INMT: variants seen among roughly 807,000 people sequenced by gnomAD.
INMT encodes the protein amine N-methyltransferase.
A neutral mutation model predicts 11.5 loss-of-function variants in INMT; 11 were observed. That is an observed-to-expected ratio of 0.95 (90% CI 0.60 to 1.58). The LOEUF (loss-of-function observed/expected upper bound fraction) is 1.58. Among genes scored for constraint, INMT ranks in the 40% most tolerant of loss-of-function variants. The pLI, the probability that INMT is intolerant of heterozygous loss-of-function variation, is 0.00. For synonymous variants in INMT, 155 were observed against 142.9 expected (o/e 1.08, Z -0.60); for missense variants, 316 against 336.1 (o/e 0.94, Z 0.47).
chr7:30,754,012 G>C lies in INMT; in HGVS notation c.362+74G>C. ...CAGAAGTCTCCCTGGCCTCTTTGTT[G>C]TCTCTGACATTTTCAGGACAGTAGG... On this transcript the variant is annotated intron_variant, in intron 2 of 2. Coordinates refer to ENST00000013222, the MANE Select transcript of INMT (RefSeq NM_006774.5). The surrounding 1 kb of genome is among the most constrained non-coding windows in gnomAD (Gnocchi z 4.9). 6.8e-7 allele frequency: 1 copy of C among 1,473,726 alleles called. No individual in the cohort carries two copies. The highest frequency in any genetic ancestry group is 9.4e-7 in the Non-Finnish European group (1 of 1,068,726). 91.3% of individuals were successfully genotyped at this position (1,473,726 alleles called of 1,614,324 possible).
chr7:30,753,713 A>T lies in INMT; in HGVS notation c.155-18A>T. 1.2e-6 allele frequency: 2 copies of T among 1,610,394 alleles called. No individual in the cohort carries two copies. Among genetic ancestry groups the T allele is most frequent in the African/African-American group, 1.3e-5 (1 of 74,950 alleles). ...TCGTTTCTTTTACCCATCCATTACC[A>T]GTCTTTCCCTCCCACAGGAGGCCTC... On this transcript the variant is annotated intron_variant, in intron 1 of 2. Transcript: ENST00000013222.
rs1295691346 is a variant in INMT at position 30,753,936 on chromosome 7, CAGGT to C, written c.362+2_362+5del. 3.7e-6 allele frequency: 6 copies of C among 1,613,424 alleles called. No homozygotes were observed. The African/African-American group carries it at 8.0e-5, about 22-fold the overall frequency. ...AATTCGCCTGTGAGCTGGAAGGAAA[CAGGT>C]AGGGGTGCAGAGGTTGGGGAGGGGG... On this transcript the variant is annotated splice_donor_variant and coding_sequence_variant, in exon 2 of 3. Coordinates refer to ENST00000013222, the MANE Select transcript of INMT (RefSeq NM_006774.5). LOFTEE classifies it high-confidence loss of function.
chr7:30,752,234 T>A lies in INMT; in HGVS notation c.84T>A (p.Asp28Glu), dbSNP rs1786100778. 3 of 1,614,010 alleles carry A rather than the reference T, an allele frequency of 1.9e-6. No individual in the cohort carries two copies. The highest frequency in any genetic ancestry group is 2.7e-5 in the African/African-American group (2 of 74,888). Residue 28 changes from aspartate (D) to glutamate (E), a missense_variant, in exon 1 of 3, where the codon GAT (aspartate) becomes GAA (glutamate). Coordinates refer to ENST00000013222, the MANE Select transcript of INMT (RefSeq NM_006774.5). Reference protein sequence around the residue: ...RDYLATYYSFDGSPSPEAEML... With the variant: ...RDYLATYYSFEGSPSPEAEML... ...ACTTGGCTACTTACTACAGCTTCGATGGCAGCCCCTCACCCGAGGCCGAGA... is the reference window on the plus strand; with the variant it reads ...ACTTGGCTACTTACTACAGCTTCGAAGGCAGCCCCTCACCCGAGGCCGAGA...
chr7:30,752,402 G>A, intron 1 of INMT, 98 bp downstream of exon 1: 1 of 1,011,152 alleles, frequency 9.9e-7, no homozygotes, highest in Non-Finnish European at 1.5e-6. Context: ...CTCCTCTAGG[G>A]GTTTTTGGGG....
Position 30,754,627 on chromosome 7 carries a change from A to G in INMT, c.362+689A>G, listed in dbSNP as rs1406010194. Among the ~76,000 whole-genome samples the G allele has an allele frequency of 1.4e-5, 2 of 138,040 alleles. No homozygotes were observed. Among genetic ancestry groups the G allele is most frequent in the African/African-American group, 5.5e-5 (2 of 36,478 alleles). 90.6% of individuals were successfully genotyped at this position (138,040 alleles called of 152,430 possible). On this transcript the variant is annotated intron_variant, in intron 2 of 2. Coordinates refer to ENST00000013222, the MANE Select transcript of INMT (RefSeq NM_006774.5). The surrounding 1 kb of genome is among the most constrained non-coding windows in gnomAD (Gnocchi z 4.9). ...CATCAATCCATCCACCCATCCATCC[A>G]TATCCATCTATCCATCCATCCATCC...
Position 30,752,168 on chromosome 7 carries a change from TG to T in INMT, c.23del (p.Gly8ValfsTer31). On this transcript the variant is annotated frameshift_variant, in exon 1 of 3. Transcript: ENST00000013222. LOFTEE classifies it high-confidence loss of function. The part of the protein sequence containing the change: MKGGFT[G>X]GDEYQKHFLP... ...GGGACACCATGAAGGGTGGCTTCAC[TG>T]GGGGTGATGAGTACCAGAAGCACTT... 6.2e-7 allele frequency: 1 copy of T among 1,613,982 alleles called. No homozygotes were observed. The highest frequency in any genetic ancestry group is 1.3e-5 in the African/African-American group (1 of 75,002).
chr7:30,755,570 T>G lies in INMT; in HGVS notation c.511T>G (p.Cys171Gly). Residue 171 changes from cysteine (C) to glycine (G), a missense_variant, in exon 3 of 3, where the codon TGT becomes GGT. By Grantham distance (159) the Cys-to-Gly change is radical. Coordinates refer to ENST00000013222, the MANE Select transcript of INMT (RefSeq NM_006774.5). ...LTLLAMECACCSLDAYRAALC... is the reference protein window; with the variant it reads ...LTLLAMECACGSLDAYRAALC... The stretch of plus-strand genomic sequence containing the variant: ...CCTGCTGGCCATGGAGTGTGCCTGC[T>G]GTAGCCTTGATGCCTACCGCGCTGC... 6.2e-7 allele frequency: 1 copy of G among 1,613,894 alleles called. No individual in the cohort carries two copies. Among genetic ancestry groups the G allele is most frequent in the Non-Finnish European group, 8.5e-7 (1 of 1,180,038 alleles).
At position 30,755,597 on chromosome 7, in the gene INMT, C is replaced by T; in HGVS notation, c.538C>T (p.Leu180=). The change falls in exon 3 of 3, where the codon CTG becomes TTG. Residue 180 remains leucine, a synonymous_variant. Transcript: ENST00000013222. ...TAGCCTTGATGCCTACCGCGCTGCC[C>T]TGTGCAACCTTGCCTCACTGCTCAA... ...CCSLDAYRAA[L]CNLASLLKPG... is the part of the protein sequence containing the mutation. The T allele has an allele frequency of 1.2e-6, 2 of 1,614,200 alleles. No individual in the cohort carries two copies. Among genetic ancestry groups the T allele is most frequent in the Middle Eastern group, 3.3e-4 (2 of 6,062 alleles).
chr7:30,752,210 C>T lies in INMT; in HGVS notation c.60C>T (p.Tyr20=). Residue 20 remains tyrosine (Y), a synonymous_variant, in exon 1 of 3, where the codon TAC becomes TAT. Coordinates refer to ENST00000013222, the MANE Select transcript of INMT (RefSeq NM_006774.5). ...AGAAGCACTTCCTGCCCAGGGACTA[C>T]TTGGCTACTTACTACAGCTTCGATG... ...EYQKHFLPRD[Y]LATYYSFDGS... is the part of the protein sequence containing the mutation. 6.2e-7 allele frequency: 1 copy of T among 1,614,084 alleles called. No homozygotes were observed.
chr7:30,753,965 G>A (rs1488927631), intron 2 of INMT, 27 bp downstream of exon 2: 2 of 1,605,164 alleles, frequency 1.2e-6, no homozygotes, highest in Admixed American at 1.7e-5. Context: ...TGGGGAGGGG[G>A]TTCCCAGTCA....
Position 30,752,175 on chromosome 7 carries a change from G to T in INMT, c.25G>T (p.Asp9Tyr). 1 of 1,614,048 alleles carries T rather than the reference G, an allele frequency of 6.2e-7. No individual in the cohort carries two copies. Among genetic ancestry groups the T allele is most frequent in the Non-Finnish European group, 8.5e-7 (1 of 1,179,940 alleles). The change falls in exon 1 of 3, where the codon GAT becomes TAT. Residue 9 changes from aspartate to tyrosine, a missense_variant. Transcript: ENST00000013222. MKGGFTGG[D>Y]EYQKHFLPRD... Reference sequence around the variant, plus strand: ...CATGAAGGGTGGCTTCACTGGGGGTGATGAGTACCAGAAGCACTTCCTGCC... The same window carrying T: ...CATGAAGGGTGGCTTCACTGGGGGTTATGAGTACCAGAAGCACTTCCTGCC...
intron 1 of INMT, 96 bp from the exon 2 acceptor site, chr7:30,753,635 C>A: frequency 1.8e-6 from 2 of 1,101,758 alleles, no homozygotes; most frequent in Non-Finnish European, 2.7e-6. Flanking sequence ...AGCACGTTTG[C>A]CCCTTGGGTA....
intron 1 of INMT, among the ~76,000 whole-genome samples, chr7:30,752,867 T>C (rs534976731): frequency 3.2e-4 from 48 of 152,274 alleles, no homozygotes; most frequent in African/African-American, 1.1e-3. Flanking sequence ...CTCCCGATGA[T>C]CACTGCCCTC....
chr7:30,752,277 G>C lies in INMT; in HGVS notation c.127G>C (p.Glu43Gln). 6.2e-7 allele frequency: 1 copy of C among 1,614,122 alleles called. No individual in the cohort carries two copies. Among genetic ancestry groups the C allele is most frequent in the Non-Finnish European group, 8.5e-7 (1 of 1,179,994 alleles). Residue 43 changes from glutamate (E) to glutamine (Q), a missense_variant, in exon 1 of 3, where the codon GAA becomes CAA. By Grantham distance (29) the Glu-to-Gln change is conservative. Transcript: ENST00000013222. ...PEAEMLKFNL[E>Q]CLHKTFGPGG... ...GGCCGAGATGCTGAAGTTTAACTTG[G>C]AATGTCTCCACAAGACCTTCGGCCC...
In INMT at chr7:30,755,765, C is replaced by T. The variant is rs770617678; in HGVS notation, c.706C>T (p.Leu236=). ...LDAGFDIEQL[L]HSPQSYSVTN... ...TGCTGGCTTTGACATTGAACAGCTC[C>T]TACACAGTCCCCAGAGCTACTCTGT... The change falls in exon 3 of 3, where the codon CTA becomes TTA. Residue 236 remains leucine (L), a synonymous_variant. Transcript: ENST00000013222. 2 of 1,614,204 alleles carry T rather than the reference C, an allele frequency of 1.2e-6. No individual in the cohort carries two copies. The highest frequency in any genetic ancestry group is 3.3e-5 in the Admixed American group (2 of 60,028).
Position 30,756,310 on chromosome 7 carries a change from A to G in INMT, c.*459A>G, listed in dbSNP as rs1043012633. 4 of 772,136 alleles carry G rather than the reference A, an allele frequency of 5.2e-6. No individual in the cohort carries two copies. The highest frequency in any genetic ancestry group is 2.0e-5 in the African/African-American group (1 of 51,274). The allele number at this position is 772,136 out of a possible 1,614,324, so 47.8% of individuals were successfully genotyped here. A position where few individuals can be genotyped will look rare whatever the true frequency, so the allele number is the denominator to read the frequency against. ...GAGTGCAATGGCACGATCTCGGCTC[A>G]CTGCAAGCTCTGCGTCCTGGGTTGA... On this transcript the variant is annotated 3_prime_UTR_variant, in exon 3 of 3. Coordinates refer to ENST00000013222, the MANE Select transcript of INMT (RefSeq NM_006774.5).
Position 30,755,805 on chromosome 7 carries a change from A to G in INMT, c.746A>G (p.Asn249Ser), listed in dbSNP as rs369243126. The G allele has an allele frequency of 1.3e-4, 208 of 1,613,908 alleles. No individual in the cohort carries two copies. The highest frequency in any genetic ancestry group is 1.6e-4 in the Non-Finnish European group (190 of 1,179,912). Reference sequence around the variant, plus strand: ...AGCTACTCTGTCACCAATGCTGCCAACAATGGGGTCTGCTTCATTGTGGCT... The same window carrying G: ...AGCTACTCTGTCACCAATGCTGCCAGCAATGGGGTCTGCTTCATTGTGGCT... ...PQSYSVTNAA[N>S]NGVCFIVARK... Residue 249 changes from asparagine (N) to serine (S), a missense_variant, in exon 3 of 3, where the codon AAC becomes AGC. By Grantham distance (46) the Asn-to-Ser change is conservative. Transcript: ENST00000013222.
rs1400899008 is a variant in INMT, at chr7:30,752,243, C to G, written c.93C>G (p.Pro31=). The change falls in exon 1 of 3, where the codon CCC becomes CCG. Residue 31 remains proline (P), a synonymous_variant. Transcript: ENST00000013222. ...CTTACTACAGCTTCGATGGCAGCCC[C>G]TCACCCGAGGCCGAGATGCTGAAGT... The part of the protein sequence containing the change: ...LATYYSFDGS[P]SPEAEMLKFN... 3 of 1,614,038 alleles carry G rather than the reference C, an allele frequency of 1.9e-6. No individual in the cohort carries two copies. Among genetic ancestry groups the G allele is most frequent in the Non-Finnish European group, 2.5e-6 (3 of 1,180,028 alleles).
At chr7:30,753,630 G>T in intron 1 of INMT, 101 bp from the exon 2 acceptor site, 1 of 1,044,640 alleles carries the variant, frequency 9.6e-7, no homozygotes, top group Admixed American at 1.8e-5. Flanking sequence ...CACCAAGCAC[G>T]TTTGCCCCTT....
Sources: gnomAD v4.1 joint callset for allele counts (sites outside exome capture counted in the v4.1 genomes callset) on GRCh38, gnomAD v4.1.1 for gene constraint, Gnocchi (gnomAD v3.1) non-coding constraint, MANE v1.5 for transcripts, NCBI Gene and HGNC (gene_info 2026-07-23, HGNC 2026-07-21) for gene names.